The following KRTAP10-6 variants were observed in gnomAD, a reference collection of about 807,000 sequenced individuals.
KRTAP10-6 encodes the protein keratin-associated protein 10-6.
Under a neutral mutation model 0.5 loss-of-function variants are expected in KRTAP10-6, and 1 was observed. The observed-to-expected ratio is 1.92, with a 90% confidence interval of 0.68 to 9.09. KRTAP10-6 has a LOEUF of 9.09. Among genes scored for constraint, KRTAP10-6 ranks in the 30% most tolerant of loss-of-function variants. KRTAP10-6 has a pLI of 0.13. For synonymous variants in KRTAP10-6, 136 were observed against 196.5 expected (o/e 0.69, Z 2.58); for missense variants, 337 against 464.2 (o/e 0.73, Z 2.52).
Position 44,591,845 on chromosome 21 carries a change from A to T in KRTAP10-6, c.640T>A (p.Cys214Ser). ...GAGGAGGTGCAGCAAGTTGGCTGGC[A>T]GCTAGACTGCTGGCAGCATGAGGGT... ...CTPSCCQQSS[C>S]QPTCCTSSPC... The change falls in exon 1 of 1, where the codon TGC becomes AGC. Residue 214 changes from cysteine (C) to serine (S), a missense_variant. Coordinates refer to ENST00000400368, the MANE Select transcript of KRTAP10-6 (RefSeq NM_198688.3). The T allele has an allele frequency of 6.2e-7, 1 of 1,608,088 alleles. No individual in the cohort carries two copies. Among genetic ancestry groups the T allele is most frequent in the Non-Finnish European group, 8.5e-7 (1 of 1,178,914 alleles).
rs1250225722 is a variant in KRTAP10-6 at position 44,591,866 on chromosome 21, A to T, written c.619T>A (p.Ser207Thr). Residue 207 changes from serine (S) to threonine (T), a missense_variant, in exon 1 of 1, where the codon TCA (serine) becomes ACA (threonine). By Grantham distance (58) the Ser-to-Thr change is moderately conservative. This residue lies in a region of KRTAP10-6 where 218 missense variants were observed against 225.3 expected (regional missense o/e 0.97). Transcript: ENST00000400368. ...TGGCAGCTAGACTGCTGGCAGCATG[A>T]GGGTGTGCAGGAGCTGGTGCAGCCT... ...QSGCTSSCTP[S>T]CCQQSSCQPT... is the part of the protein sequence containing the mutation. The T allele has an allele frequency of 6.2e-7, 1 of 1,608,088 alleles. No homozygotes were observed. The highest frequency in any genetic ancestry group is 8.5e-7 in the Non-Finnish European group (1 of 1,179,234).
Position 44,591,357 on chromosome 21 carries a change from G to C in KRTAP10-6, c.*30C>G. The C allele has an allele frequency of 6.4e-7, 1 of 1,573,322 alleles. No homozygotes were observed. Among genetic ancestry groups the C allele is most frequent in the South Asian group, 1.2e-5 (1 of 83,772 alleles). ...GCAGCTGGGAGGTCAGCCCCTGGTGGGAAGGGACTCCGGATCACATCCAGG... is the reference window on the plus strand; with the variant it reads ...GCAGCTGGGAGGTCAGCCCCTGGTGCGAAGGGACTCCGGATCACATCCAGG... On this transcript the variant is annotated 3_prime_UTR_variant, in exon 1 of 1. Transcript: ENST00000400368.
chr21:44,591,585 G>A lies in KRTAP10-6; in HGVS notation c.900C>T (p.Ser300=), dbSNP rs781803499. ...GGCAGAGGAGGGACACGGAGGAGGAGGATCTGCAGCAGGAGGCGGTGCAGC... is the reference window on the plus strand; with the variant it reads ...GGCAGAGGAGGGACACGGAGGAGGAAGATCTGCAGCAGGAGGCGGTGCAGC... ...PACCTASCCR[S]SSSVSLLCHP... Residue 300 remains serine, a synonymous_variant, in exon 1 of 1, where the codon TCC becomes TCT. Transcript: ENST00000400368. 3.1e-6 allele frequency: 5 copies of A among 1,613,316 alleles called. No homozygotes were observed. Among genetic ancestry groups the A allele is most frequent in the Admixed American group, 1.7e-5 (1 of 59,914 alleles).
In KRTAP10-6 at chr21:44,592,476, C is replaced by T. The variant is rs587752280; in HGVS notation, c.9G>A (p.Ala3=). Residue 3 remains alanine, a synonymous_variant, in exon 1 of 1, where the codon GCG becomes GCA. Coordinates refer to ENST00000400368, the MANE Select transcript of KRTAP10-6 (RefSeq NM_198688.3). The part of the protein sequence containing the change: MA[A]STMSVCSSDL... ...CGCTGGAGCAGACGGACATGGTGGA[C>T]GCGGCCATGCTGGGGTTGAACTGGT... 209 of 1,609,718 alleles carry T rather than the reference C, an allele frequency of 1.3e-4. No homozygotes were observed. Among genetic ancestry groups the T allele is most frequent in the Admixed American group, 8.0e-4 (48 of 59,866 alleles).
In KRTAP10-6 at chr21:44,591,448, C is replaced by A; in HGVS notation, c.1037G>T (p.Arg346Leu). ...GCAGGCAGGGCGGGAGCACATGGGG[C>A]GGCAGAGGAGGGAAACACAGGAGGC... ...RTASCVSLLC[R>L]PMCSRPACYS... is the part of the protein sequence containing the mutation. The change falls in exon 1 of 1, where the codon CGC becomes CTC. Residue 346 changes from arginine (R) to leucine (L), a missense_variant. Transcript: ENST00000400368. 1 of 1,613,852 alleles carries A rather than the reference C, an allele frequency of 6.2e-7. No individual in the cohort carries two copies. Among genetic ancestry groups the A allele is most frequent in the Non-Finnish European group, 8.5e-7 (1 of 1,179,936 alleles).
At position 44,591,665 on chromosome 21, in the gene KRTAP10-6, C is replaced by A. The variant is rs1408800310; in HGVS notation, c.820G>T (p.Val274Phe). 4.4e-6 allele frequency: 7 copies of A among 1,585,068 alleles called. No individual in the cohort carries two copies. The African/African-American group carries it at 8.1e-5, about 18-fold the overall frequency. The change falls in exon 1 of 1, where the codon GTC becomes TTC. Residue 274 changes from valine (V) to phenylalanine (F), a missense_variant. Physicochemically the swap from Val to Phe is conservative, Grantham distance 50. Coordinates refer to ENST00000400368, the MANE Select transcript of KRTAP10-6 (RefSeq NM_198688.3). ...CATGATGTGGAAGCCCCAGAGCAGA[C>A]GGGCACACAGCAGGCGTGCTGGCAG... ...SPCQHACCVP[V>F]CSGASTSCCQ...
Position 44,591,827 on chromosome 21 carries a change from T to C in KRTAP10-6, c.658A>G (p.Thr220Ala), listed in dbSNP as rs200461683. 5.6e-4 allele frequency: 873 copies of C among 1,568,436 alleles called. 3 individuals are homozygous for C. Among genetic ancestry groups the C allele is most frequent in the African/African-American group, 2.9e-3 (174 of 59,744 alleles). The change falls in exon 1 of 1, where the codon ACC (threonine) becomes GCC (alanine). Residue 220 changes from threonine to alanine, a missense_variant. Transcript: ENST00000400368. ...CAGGCCTGCTGGCAGGGGGAGGAGG[T>C]GCAGCAAGTTGGCTGGCAGCTAGAC... is the stretch of plus-strand genomic sequence containing the variant. ...QQSSCQPTCC[T>A]SSPCQQACCV... is the part of the protein sequence containing the mutation.
Position 44,591,711 on chromosome 21 carries a change from T to A in KRTAP10-6, c.774A>T (p.Pro258=), listed in dbSNP as rs372603975. The change falls in exon 1 of 1, where the codon CCA becomes CCT. Residue 258 remains proline (P), a synonymous_variant. Transcript: ENST00000400368. The stretch of plus-strand genomic sequence containing the variant: ...GGCAGGGGGAGGAGGTGCAGCAAGC[T>A]GGCTGGCAGCTAGACTGCTGGCAGC... ...SSCCQQSSCQ[P]ACCTSSPCQH... is the part of the protein sequence containing the mutation. 4.2e-5 allele frequency: 66 copies of A among 1,567,308 alleles called. No homozygotes were observed. The highest frequency in any genetic ancestry group is 5.1e-5 in the Non-Finnish European group (59 of 1,151,398).
chr21:44,592,338 C>CAGCAGCTG, the KRTAP10-6 span: 1 of 311,854 alleles, frequency 3.2e-6, no homozygotes. Flanking sequence ...GGCAGGGGGC[C>CAGCAGCTG]GGGGCGCAGC....
chr21:44,592,430 C>A lies in KRTAP10-6; in HGVS notation c.55G>T (p.Val19Phe). The A allele has an allele frequency of 6.2e-7, 1 of 1,607,676 alleles. No individual in the cohort carries two copies. The highest frequency in any genetic ancestry group is 1.1e-5 in the South Asian group (1 of 90,490). ...GAGTCACAGGAACCAGGAAGGCAGA[C>A]GCGGCTGCCGTAGCTCAGGTCGCTG... The part of the protein sequence containing the change: ...CSSDLSYGSR[V>F]CLPGSCDSCS... Residue 19 changes from valine (V) to phenylalanine (F), a missense_variant, in exon 1 of 1, where the codon GTC becomes TTC. By Grantham distance (50) the Val-to-Phe change is conservative. Transcript: ENST00000400368.
In KRTAP10-6 at chr21:44,592,102, A is replaced by G. The variant is rs1555926810; in HGVS notation, c.383T>C (p.Val128Ala). Residue 128 changes from valine to alanine, a missense_variant, in exon 1 of 1, where the codon GTC (valine) becomes GCC (alanine). Transcript: ENST00000400368. ...VCCKPVCCVS[V>A]CCGDSSCCQQ... The stretch of plus-strand genomic sequence containing the variant: ...GCAGCATGAAGAATCCCCACAGCAG[A>G]CGGACACACAGCACACAGGCTTGCA... 3 of 1,430,946 alleles carry G rather than the reference A, an allele frequency of 2.1e-6. No individual in the cohort carries two copies. Among genetic ancestry groups the G allele is most frequent in the Non-Finnish European group, 1.9e-6 (2 of 1,065,644 alleles). 88.6% of individuals were successfully genotyped at this position (1,430,946 alleles called of 1,614,324 possible).
At position 44,591,627 on chromosome 21, in the gene KRTAP10-6, A is replaced by G; in HGVS notation, c.858T>C (p.Ser286=). The change falls in exon 1 of 1, where the codon TCT becomes TCC. Residue 286 remains serine, a synonymous_variant. Transcript: ENST00000400368. The stretch of plus-strand genomic sequence containing the variant: ...CGGTGCAGCAAGCCGGCTGGCAGCT[A>G]GACTGCTGGCAGCATGATGTGGAAG... ...SGASTSCCQQ[S]SCQPACCTAS... is the part of the protein sequence containing the mutation. 1 of 1,613,770 alleles carries G rather than the reference A, an allele frequency of 6.2e-7. No individual in the cohort carries two copies. Among genetic ancestry groups the G allele is most frequent in the Non-Finnish European group, 8.5e-7 (1 of 1,179,812 alleles).
chr21:44,591,679 G>A lies in KRTAP10-6; in HGVS notation c.806C>T (p.Ala269Val), dbSNP rs781834191. 5.1e-6 allele frequency: 8 copies of A among 1,579,292 alleles called. No individual in the cohort carries two copies. In the African/African-American group the frequency reaches 8.1e-5, roughly 16 times the overall value. The change falls in exon 1 of 1, where the codon GCC becomes GTC. Residue 269 changes from alanine (A) to valine (V), a missense_variant. Transcript: ENST00000400368. ...ACCTSSPCQH[A>V]CCVPVCSGAS... Reference sequence around the variant, plus strand: ...CCCAGAGCAGACGGGCACACAGCAGGCGTGCTGGCAGGGGGAGGAGGTGCA... The same window carrying A: ...CCCAGAGCAGACGGGCACACAGCAGACGTGCTGGCAGGGGGAGGAGGTGCA...
At chr21:44,591,728 G>A in the KRTAP10-6 span, 8 of 1,596,436 alleles carry the variant, frequency 5.0e-6, no homozygotes, top group Non-Finnish European at 6.8e-6. Context: ...CAGCTAGACT[G>A]CTGGCAGCAT....
rs782102494 is a variant in KRTAP10-6, at chr21:44,591,804, G to A, written c.681C>T (p.Ala227=). ...TCCTSSPCQQ[A]CCVPVCCVPV... Reference sequence around the variant, plus strand: ...GCACGCAGCAGACGGGCACGCAGCAGGCCTGCTGGCAGGGGGAGGAGGTGC... The same window carrying A: ...GCACGCAGCAGACGGGCACGCAGCAAGCCTGCTGGCAGGGGGAGGAGGTGC... The change falls in exon 1 of 1, where the codon GCC becomes GCT. Residue 227 remains alanine, a synonymous_variant. Transcript: ENST00000400368. The A allele has an allele frequency of 6.3e-7, 1 of 1,587,268 alleles. No homozygotes were observed. The highest frequency in any genetic ancestry group is 2.4e-5 in the East Asian group (1 of 41,882).
At position 44,591,469 on chromosome 21, in the gene KRTAP10-6, G is replaced by T; in HGVS notation, c.1016C>A (p.Ser339Tyr). The T allele has an allele frequency of 6.2e-7, 1 of 1,614,056 alleles. No individual in the cohort carries two copies. Among genetic ancestry groups the T allele is most frequent in the East Asian group, 2.2e-5 (1 of 44,872 alleles). ...SCQPSCCRTA[S>Y]CVSLLCRPMC... ...GGGGCGGCAGAGGAGGGAAACACAG[G>T]AGGCCGTGCGGCAGCAGCTGGGCTG... The change falls in exon 1 of 1, where the codon TCC (serine) becomes TAC (tyrosine). Residue 339 changes from serine (S) to tyrosine (Y), a missense_variant. Around this residue, in one of 3 missense-constraint regions of KRTAP10-6, gnomAD observed 218 missense variants for 225.3 expected, o/e 0.97. Transcript: ENST00000400368.
chr21:44,591,399 C>T lies in KRTAP10-6; in HGVS notation c.1086G>A (p.Lys362=). Residue 362 remains lysine (K), a synonymous_variant, in exon 1 of 1, where the codon AAG becomes AAA. Coordinates refer to ENST00000400368, the MANE Select transcript of KRTAP10-6 (RefSeq NM_198688.3). ...ACATCCAGGGCTGTCAGCAGCTGGA[C>T]TTCTGGCCAGAGCAGAGGCTGTAGC... ...PACYSLCSGQ[K]SSC 1 of 1,608,206 alleles carries T rather than the reference C, an allele frequency of 6.2e-7. No homozygotes were observed. The highest frequency in any genetic ancestry group is 1.1e-5 in the South Asian group (1 of 89,944).
Position 44,591,335 on chromosome 21 carries a change from G to A in KRTAP10-6, c.*52C>T, listed in dbSNP as rs998601035. 6.5e-4 allele frequency: 1,012 copies of A among 1,556,390 alleles called. 5 individuals carry two copies. The African/African-American group carries it at 0.012, about 19-fold the overall frequency. ...AGAGAGGGCAGAGCTTGCTGGGGCA[G>A]CTGGGAGGTCAGCCCCTGGTGGGAA... On this transcript the variant is annotated 3_prime_UTR_variant, in exon 1 of 1. Transcript: ENST00000400368.
rs200122724 is a variant in KRTAP10-6, at chr21:44,592,440, G to A, written c.45C>T (p.Tyr15=). 2.1e-4 allele frequency: 346 copies of A among 1,610,994 alleles called. No individual in the cohort carries two copies. The highest frequency in any genetic ancestry group is 1.8e-3 in the African/African-American group (136 of 74,804). ...AACCAGGAAGGCAGACGCGGCTGCC[G>A]TAGCTCAGGTCGCTGGAGCAGACGG... ...TMSVCSSDLS[Y]GSRVCLPGSC... is the part of the protein sequence containing the mutation. Residue 15 remains tyrosine (Y), a synonymous_variant, in exon 1 of 1, where the codon TAC becomes TAT. Transcript: ENST00000400368.
Sources: gnomAD v4.1 joint callset for allele counts on GRCh38, gnomAD v4.1.1 for gene constraint, gnomAD v4.1.1 regional missense constraint, MANE v1.5 for transcripts, NCBI Gene and HGNC (gene_info 2026-07-23, HGNC 2026-07-21) for gene names.